EIF3H: variants seen among roughly 807,000 people sequenced by gnomAD.
EIF3H encodes eIF-3-gamma.
In EIF3H, 26 loss-of-function variants were observed where a neutral mutation model predicts 44.2. That is an observed-to-expected ratio of 0.59 (90% CI 0.43 to 0.82). The LOEUF (loss-of-function observed/expected upper bound fraction) is 0.82. Ranked by LOEUF, EIF3H falls within the 40% of genes least tolerant of loss-of-function variation. The pLI, the probability that EIF3H is intolerant of heterozygous loss-of-function variation, is 0.00. For synonymous variants in EIF3H, 166 were observed against 151.9 expected (o/e 1.09, Z -0.68); for missense variants, 359 against 432.8 (o/e 0.83, Z 1.51).
chr8:116,744,047 T>C (rs554282867), intron 1 of EIF3H, among the ~76,000 whole-genome samples: 1 of 151,526 alleles, frequency 6.6e-6, no homozygotes, highest in South Asian at 2.1e-4. Context: ...GTACAGACAA[T>C]GTAGTTATAA....
Position 116,726,007 on chromosome 8 carries a change from C to T in EIF3H, c.289+9G>A. 2 of 1,608,326 alleles carry T rather than the reference C, an allele frequency of 1.2e-6. No individual in the cohort carries two copies. The highest frequency in any genetic ancestry group is 2.2e-5 in the South Asian group (2 of 90,116). On this transcript the variant is annotated intron_variant, in intron 2 of 7. Transcript: ENST00000521861. The stretch of plus-strand genomic sequence containing the variant: ...ACTGCAAAGACACACTTGTGATGAA[C>T]ACCCTTACCTTCATCAAAGTCAGCA...
At chr8:116,715,810 G>A (rs1373176549) in intron 2 of EIF3H, among the ~76,000 whole-genome samples, 2 of 152,180 alleles carry the variant, frequency 1.3e-5, no homozygotes, top group Admixed American at 6.5e-5. Context: ...TGGGTTGCAC[G>A]TTTGAGAAAA....
chr8:116,747,723 C>T (rs1815262145), intron 1 of EIF3H, among the ~76,000 whole-genome samples: 1 of 152,156 alleles, frequency 6.6e-6, no homozygotes, highest in South Asian at 2.1e-4. Flanking sequence ...GTTGTCCAGT[C>T]TCTTTAAATT....
At chr8:116,660,977 C>T (rs1043667196) in intron 2 of EIF3H, among the ~76,000 whole-genome samples, 3 of 152,140 alleles carry the variant, frequency 2.0e-5, no homozygotes, top group Non-Finnish European at 2.9e-5. Context: ...GATAATCTTA[C>T]ACCAATTATT....
chr8:116,645,042 G>A lies in EIF3H; in HGVS notation c.1023C>T (p.Leu341=), dbSNP rs757793181. ...ATTCTTGAAGAGCCTGGGCCATGAAGAGCTTGCCTAAGTTTTGGGCAGTGA... is the reference window on the plus strand; with the variant it reads ...ATTCTTGAAGAGCCTGGGCCATGAAAAGCTTGCCTAAGTTTTGGGCAGTGA... ...KEFTAQNLGK[L]FMAQALQEYN... is the part of the protein sequence containing the mutation. The change falls in exon 8 of 8, where the codon CTC becomes CTT. Residue 341 remains leucine, a synonymous_variant. Transcript: ENST00000521861. 3.7e-6 allele frequency: 6 copies of A among 1,614,144 alleles called. No individual in the cohort carries two copies. In the Admixed American group the frequency reaches 8.3e-5, roughly 22 times the overall value.
intron 2 of EIF3H, among the ~76,000 whole-genome samples, chr8:116,666,522 C>G (rs1391703850): frequency 2.0e-5 from 3 of 151,906 alleles, no homozygotes; most frequent in Non-Finnish European, 4.4e-5. Flanking sequence ...TACATATATA[C>G]ATTTATGGCG....
intron 1 of EIF3H, among the ~76,000 whole-genome samples, chr8:116,735,581 A>G (rs1586484613): frequency 6.6e-6 from 1 of 152,242 alleles, no homozygotes; most frequent in East Asian, 1.9e-4. Flanking sequence ...TGGGACGACA[A>G]GTGTTTTAGA....
intron 2 of EIF3H, among the ~76,000 whole-genome samples, chr8:116,704,021 G>T (rs1485587981): frequency 1.3e-5 from 2 of 152,070 alleles, no homozygotes; most frequent in Admixed American, 6.5e-5. Flanking sequence ...TGGGGGCTGG[G>T]GACTCCTGCC....
intron 2 of EIF3H, among the ~76,000 whole-genome samples, chr8:116,722,270 G>GT (rs550020111): frequency 2.6e-4 from 40 of 152,292 alleles, no homozygotes; most frequent in African/African-American, 8.7e-4. Flanking sequence ...CTGCCACCAA[G>GT]TAAGACGTGC....
chr8:116,668,083 C>T (rs566495736), intron 2 of EIF3H, among the ~76,000 whole-genome samples: 2 of 152,116 alleles, frequency 1.3e-5, no homozygotes, highest in Non-Finnish European at 1.5e-5. Context: ...GGATTTGAGC[C>T]GTCAATTGTG....
chr8:116,649,739 A>C (rs530892269), intron 5 of EIF3H, among the ~76,000 whole-genome samples: 121 of 152,352 alleles, frequency 7.9e-4, no homozygotes, highest in African/African-American at 2.7e-3. Flanking sequence ...ACAACAGTGA[A>C]TAAGACATAC....
At chr8:116,662,704 G>A (rs753894367) in intron 2 of EIF3H, among the ~76,000 whole-genome samples, 6 of 152,142 alleles carry the variant, frequency 3.9e-5, no homozygotes, top group Admixed American at 6.5e-5. Flanking sequence ...GTAGGAATAC[G>A]AAATGAAAAG....
intron 6 of EIF3H, 140 bp downstream of exon 6, chr8:116,648,663 AAAT>A: frequency 1.9e-6 from 2 of 1,053,182 alleles, no homozygotes; most frequent in Non-Finnish European, 2.5e-6. Context: ...CATGCCATAA[AAAT>A]AATAATCTTT....
At chr8:116,657,396 T>A in intron 3 of EIF3H, 82 bp from the exon 4 acceptor site, 1 of 980,968 alleles carries the variant, frequency 1.0e-6, no homozygotes, top group Non-Finnish European at 1.6e-6. Flanking sequence ...GCACATTCTG[T>A]TACATATCGC....
chr8:116,648,820 G>A lies in EIF3H; in HGVS notation c.814C>T (p.Gln272Ter). 1 of 1,605,118 alleles carries A rather than the reference G, an allele frequency of 6.2e-7. No homozygotes were observed. The highest frequency in any genetic ancestry group is 8.5e-7 in the Non-Finnish European group (1 of 1,176,088). ...TYMRNTSKQQ[Q>*]QKHQYQQRRQ... ...ACAATACCAACCTGATGTTTCTGCT[G>A]CTGTTGTTTACTAGTATTCCTCATG... The change falls in exon 6 of 8, where the codon CAG becomes TAG. Residue 272 changes from glutamine to a stop codon, truncating the protein, a stop_gained. Transcript: ENST00000521861. LOFTEE classifies it high-confidence loss of function.
intron 2 of EIF3H, among the ~76,000 whole-genome samples, chr8:116,675,126 A>C (rs1813827720): frequency 6.6e-6 from 1 of 152,130 alleles, no homozygotes; most frequent in Admixed American, 6.6e-5. Flanking sequence ...TGTATTTTTA[A>C]ATCACATATG....
At chr8:116,735,125 C>CAA (rs1815011840) in intron 1 of EIF3H, among the ~76,000 whole-genome samples, 1 of 152,122 alleles carries the variant, frequency 6.6e-6, no homozygotes, top group African/African-American at 2.4e-5. Context: ...GAAAACTATT[C>CAA]AAGAAACACA....
At chr8:116,669,031 AG>A (rs1813711392) in intron 2 of EIF3H, among the ~76,000 whole-genome samples, 1 of 152,070 alleles carries the variant, frequency 6.6e-6, no homozygotes, top group Non-Finnish European at 1.5e-5. Flanking sequence ...GAAAATGGGG[AG>A]GGGGACTGGA....
rs143745661 is a variant in EIF3H at position 116,710,570 on chromosome 8, T to C, written c.289+15446A>G. ...TCTAAAAATCTGGTGTTAAATTTAA[T>C]ATCATTTGATTTCAGTTGTGCTGAT... On this transcript the variant is annotated intron_variant, in intron 2 of 7. Coordinates refer to ENST00000521861, the MANE Select transcript of EIF3H (RefSeq NM_003756.3). 9.6e-4 allele frequency among the ~76,000 whole-genome samples: 147 copies of C among 152,360 alleles called. No individual in the cohort carries two copies. The East Asian group carries it at 0.022, about 23-fold the overall frequency.
Sources: gnomAD v4.1 joint callset for allele counts (sites outside exome capture counted in the v4.1 genomes callset) on GRCh38, gnomAD v4.1.1 for gene constraint, MANE v1.5 for transcripts, NCBI Gene and HGNC (gene_info 2026-07-23, HGNC 2026-07-21) for gene names.